Variants in NGLY1 observed in about 807,000 individuals in gnomAD.
The protein encoded by NGLY1 is N-glycanase 1, also known as peptide-N(4)-(N-acetyl-beta-glucosaminyl)asparagine amidase.
Under a neutral mutation model 84.6 loss-of-function variants are expected in NGLY1, and 68 were observed. The observed-to-expected ratio is 0.80, with a 90% CI of 0.66 to 0.98. The LOEUF (loss-of-function observed/expected upper bound fraction) is 0.98, where lower values mean the gene tolerates loss of function less well. Ranked by LOEUF, NGLY1 falls within the 50% of genes least tolerant of loss-of-function variation. The pLI, the probability that NGLY1 is intolerant of heterozygous loss-of-function variation, is 0.00. For missense variants in NGLY1, 779 were observed against 770.2 expected, an observed-to-expected ratio of 1.01 and a Z score of -0.14; for synonymous variants, 280 against 275.2, an observed-to-expected ratio of 1.02 and a Z score of -0.17.
chr3:25,756,559 T>G (rs1303208372), intron 3 of NGLY1, among the ~76,000 whole-genome samples: 1 of 152,210 alleles, frequency 6.6e-6, no homozygotes. Context: ...CATTTCTAAA[T>G]TTAACAGAGA....
chr3:25,737,347 A>G lies in NGLY1; in HGVS notation c.990T>C (p.Val330=). The change falls in exon 6 of 12, where the codon GTT becomes GTC. Residue 330 remains valine (V), a synonymous_variant. Coordinates refer to ENST00000280700, the MANE Select transcript of NGLY1 (RefSeq NM_018297.4). ...CRAVGFEARY[V]WDYTDHVWTE... is the part of the protein sequence containing the mutation. ...CACATTCTGTACCTGTGTAATCCCA[A>G]ACATAGCGAGCTTCAAACCCTACAG... 1 of 1,612,242 alleles carries G rather than the reference A, an allele frequency of 6.2e-7. No individual in the cohort carries two copies. The highest frequency in any genetic ancestry group is 8.5e-7 in the Non-Finnish European group (1 of 1,179,492).
At chr3:25,722,843 C>T (rs1358324399) in intron 10 of NGLY1, among the ~76,000 whole-genome samples, 1 of 152,122 alleles carries the variant, frequency 6.6e-6, no homozygotes, top group Non-Finnish European at 1.5e-5. Flanking sequence ...TATTAGGCAT[C>T]TGGGTTACAC....
chr3:25,736,046 C>T lies in NGLY1; in HGVS notation c.1107G>A (p.Trp369Ter), dbSNP rs765889601. Reference sequence around the variant, plus strand: ...CTATGACATAGGAAAGCTTCTTGCCCCATCCTATTTCATAAAGGAGTGGCT... The same window carrying T: ...CTATGACATAGGAAAGCTTCTTGCCTCATCCTATTTCATAAAGGAGTGGCT... Reference protein sequence around the residue: ...CDKPLLYEIGWGKKLSYVIAF... With the variant: ...CDKPLLYEIG The change falls in exon 7 of 12, where the codon TGG (tryptophan) becomes TGA (stop). Residue 369 changes from tryptophan to a stop codon, truncating the protein, a stop_gained. Coordinates refer to ENST00000280700, the MANE Select transcript of NGLY1 (RefSeq NM_018297.4). LOFTEE classifies it high-confidence loss of function. The T allele has an allele frequency of 1.9e-6, 3 of 1,613,864 alleles. No homozygotes were observed. Among genetic ancestry groups the T allele is most frequent in the Non-Finnish European group, 2.5e-6 (3 of 1,179,868 alleles).
chr3:25,752,844 TAAAG>T (rs1383379234), intron 3 of NGLY1, among the ~76,000 whole-genome samples: 1 of 151,216 alleles, frequency 6.6e-6, no homozygotes, highest in Non-Finnish European at 1.5e-5. Flanking sequence ...TAATATAAAA[TAAAG>T]AAGAAAGCAT....
intron 6 of NGLY1, 145 bp from the exon 7 acceptor site, chr3:25,736,294 A>C (rs1170807794): frequency 1.9e-6 from 3 of 1,550,690 alleles, no homozygotes; most frequent in South Asian, 2.4e-5. Flanking sequence ...TGTGGCACAC[A>C]GGATTTTAGA....
chr3:25,728,449 A>G (rs1409542442), intron 10 of NGLY1, among the ~76,000 whole-genome samples: 1 of 152,158 alleles, frequency 6.6e-6, no homozygotes, highest in Non-Finnish European at 1.5e-5. Context: ...GAATATGATC[A>G]GATCTACTGA....
At chr3:25,754,788 CT>C (rs5847371) in intron 3 of NGLY1, 10,817 of 272,420 alleles carry the variant, frequency 0.04, 137 homozygotes, top group South Asian at 0.067. Context: ...ATGACTCGTG[CT>C]TTTTTTTTTT....
At chr3:25,739,938 A>G (rs1706044720) in intron 4 of NGLY1, 139 bp from the exon 5 acceptor site, 1 of 656,404 alleles carries the variant, frequency 1.5e-6, no homozygotes, top group Middle Eastern at 4.2e-4. Flanking sequence ...AAGAGGCAAG[A>G]AGAAACTGTC....
At position 25,765,600 on chromosome 3, in the gene NGLY1, C is replaced by T. The variant is rs146243272; in HGVS notation, c.247-1289G>A. Reference sequence around the variant, plus strand: ...CAGGAATCAACTGAACAAGACATTACTCAATGACATGAAAGTCAATTCCAT... The same window carrying T: ...CAGGAATCAACTGAACAAGACATTATTCAATGACATGAAAGTCAATTCCAT... On this transcript the variant is annotated intron_variant, in intron 2 of 11. Transcript: ENST00000280700. Among the ~76,000 whole-genome samples, 387 of 152,250 alleles carry T rather than the reference C, an allele frequency of 2.5e-3. 9 individuals are homozygous for T. Among genetic ancestry groups the T allele is most frequent in the Non-Finnish European group, 5.6e-4 (38 of 68,028 alleles).
At chr3:25,763,796 T>C (rs529969590) in intron 3 of NGLY1, among the ~76,000 whole-genome samples, 3 of 152,318 alleles carry the variant, frequency 2.0e-5, no homozygotes, top group South Asian at 4.1e-4. Flanking sequence ...AGCTTTTTTA[T>C]TGAATTAAGG....
At chr3:25,748,309 G>C (rs1052157977) in intron 4 of NGLY1, among the ~76,000 whole-genome samples, 53 of 152,034 alleles carry the variant, frequency 3.5e-4, no homozygotes, top group Admixed American at 1.3e-4. Context: ...ACAACTAAAC[G>C]AACACCAAGC....
chr3:25,766,838 C>G (rs139712138), intron 2 of NGLY1, among the ~76,000 whole-genome samples: 2 of 152,322 alleles, frequency 1.3e-5, no homozygotes, highest in African/African-American at 2.4e-5. Flanking sequence ...ATACGCTGCT[C>G]ATGCCATGCT....
intron 2 of NGLY1, among the ~76,000 whole-genome samples, chr3:25,766,829 T>TA (rs375706744): frequency 2.6e-5 from 4 of 152,298 alleles, no homozygotes; most frequent in East Asian, 1.9e-4. Flanking sequence ...GTAAGACAGA[T>TA]ACGCTGCTCA....
At position 25,783,235 on chromosome 3, in the gene NGLY1, G is replaced by A. The variant is rs1349151338; in HGVS notation, c.131+25C>T. ...CCGCGGCCCACCCACCCCGGTACCC[G>A]CCGTCCGACCCCGTTGCCCTGCACC... On this transcript the variant is annotated intron_variant, in intron 1 of 11. Transcript: ENST00000280700. This position sits in a 1 kb window ranked among gnomAD's most constrained non-coding sequence, Gnocchi z 4.5. 2 of 902,012 alleles carry A rather than the reference G, an allele frequency of 2.2e-6. No homozygotes were observed. Among genetic ancestry groups the A allele is most frequent in the East Asian group, 3.6e-5 (1 of 27,870 alleles). 55.9% of individuals were successfully genotyped at this position (902,012 alleles called of 1,614,324 possible). A position where few individuals can be genotyped will look rare whatever the true frequency, so the allele number is the denominator to read the frequency against.
intron 3 of NGLY1, among the ~76,000 whole-genome samples, chr3:25,763,449 T>TG (rs1416717310): frequency 6.6e-6 from 1 of 152,180 alleles, no homozygotes; most frequent in African/African-American, 2.4e-5. Flanking sequence ...GCAAAACTGA[T>TG]GAAGACCTAA....
chr3:25,747,454 A>G (rs1706494911), intron 4 of NGLY1, among the ~76,000 whole-genome samples: 1 of 152,236 alleles, frequency 6.6e-6, no homozygotes, highest in South Asian at 2.1e-4. Flanking sequence ...TCAAAAATTG[A>G]AAAATGGCAT....
At chr3:25,725,212 G>C (rs1450199423) in intron 10 of NGLY1, among the ~76,000 whole-genome samples, 1 of 152,084 alleles carries the variant, frequency 6.6e-6, no homozygotes, top group East Asian at 1.9e-4. Context: ...TTGTTGTCAT[G>C]GTTATGAAAA....
At chr3:25,758,247 T>C (rs1345922075) in intron 3 of NGLY1, among the ~76,000 whole-genome samples, 1 of 152,196 alleles carries the variant, frequency 6.6e-6, no homozygotes, top group Non-Finnish European at 1.5e-5. Flanking sequence ...ATTTTAAATA[T>C]GGATTTGTAT....
Position 25,720,028 on chromosome 3 carries a change from A to T in NGLY1, c.1775T>A (p.Val592Glu). Reference protein sequence around the residue: ...EWKLRSDTAQVELTGDNSLHS... With the variant: ...EWKLRSDTAQEELTGDNSLHS... ...CAAATGCTTACCGCCTGTCAGTTCT[A>T]CTTGTGCTGTATCAGATCGCAATTT... is the stretch of plus-strand genomic sequence containing the variant. Residue 592 changes from valine to glutamate, a missense_variant, in exon 11 of 12, where the codon GTA (valine) becomes GAA (glutamate). Physicochemically the swap from Val to Glu is moderately radical, Grantham distance 121 (BLOSUM62 -2). Transcript: ENST00000280700. The T allele has an allele frequency of 6.2e-7, 1 of 1,612,378 alleles. No individual in the cohort carries two copies. Among genetic ancestry groups the T allele is most frequent in the South Asian group, 1.1e-5 (1 of 90,804 alleles).
Sources: gnomAD v4.1 joint callset for allele counts (sites outside exome capture counted in the v4.1 genomes callset) on GRCh38, gnomAD v4.1.1 for gene constraint, Gnocchi (gnomAD v3.1) non-coding constraint, MANE v1.5 for transcripts, NCBI Gene and HGNC (gene_info 2026-07-23, HGNC 2026-07-21) for gene names.